Variants in CCT6B observed in about 807,000 individuals in gnomAD.
CCT6B encodes the protein chaperonin containing TCP1 subunit 6B, also known as probable T-complex protein 1 subunit zeta-2.
CCT6B carries 49 observed loss-of-function variants against 61.5 expected under a neutral mutation model. The observed-to-expected ratio is 0.80, with a 90% CI of 0.63 to 1.01. The LOEUF (loss-of-function observed/expected upper bound fraction) is 1.01, where lower values mean the gene tolerates loss of function less well. CCT6B is among the 50% of genes least tolerant of loss of function. The pLI is 0.00. For missense variants in CCT6B, 666 were observed against 634.7 expected, an observed-to-expected ratio of 1.05 and a Z score of -0.53; for synonymous variants, 228 against 214.5, an observed-to-expected ratio of 1.06 and a Z score of -0.55.
At chr17:34,934,178 C>T (rs192660902) in intron 10 of CCT6B, among the ~76,000 whole-genome samples, 82 of 148,042 alleles carry the variant, frequency 5.5e-4, no homozygotes, top group African/African-American at 1.9e-3. Context: ...CAAATGAAAC[C>T]TAATATAAGC....
Position 34,959,595 on chromosome 17 carries a change from C to G in CCT6B, c.193G>C (p.Asp65His). ...KLTKDGNVLL[D>H]EMQIQHPTAS... is the part of the protein sequence containing the mutation. Reference sequence around the variant, plus strand: ...CAGCAGCATCAGCTCACCATCTCATCGAGCAGCACATTGCCATCTTTGGTG... The same window carrying G: ...CAGCAGCATCAGCTCACCATCTCATGGAGCAGCACATTGCCATCTTTGGTG... Residue 65 changes from aspartate to histidine, a missense_variant, in exon 2 of 14, where the codon GAT becomes CAT. By Grantham distance (81) the Asp-to-His change is moderately conservative. Transcript: ENST00000314144. 1.2e-6 allele frequency: 2 copies of G among 1,611,504 alleles called. No individual in the cohort carries two copies. The highest frequency in any genetic ancestry group is 3.3e-5 in the Admixed American group (2 of 60,014).
Position 34,927,994 on chromosome 17 carries a change from A to G in CCT6B, c.*54T>C. ...GCTCAGGCTACACAATAGTAGTCAGATGTAAAGTGTACTAAATTTCATCTT... is the reference window on the plus strand; with the variant it reads ...GCTCAGGCTACACAATAGTAGTCAGGTGTAAAGTGTACTAAATTTCATCTT... On this transcript the variant is annotated 3_prime_UTR_variant, in exon 14 of 14. Coordinates refer to ENST00000314144, the MANE Select transcript of CCT6B (RefSeq NM_006584.4). 7.8e-7 allele frequency: 1 copy of G among 1,278,438 alleles called. No individual in the cohort carries two copies. Among genetic ancestry groups the G allele is most frequent in the Non-Finnish European group, 1.1e-6 (1 of 886,980 alleles). 79.2% of individuals were successfully genotyped at this position (1,278,438 alleles called of 1,614,324 possible).
intron 10 of CCT6B, among the ~76,000 whole-genome samples, chr17:34,936,776 CAAAT>C (rs1350106550): frequency 3.3e-5 from 5 of 152,004 alleles, no homozygotes; most frequent in African/African-American, 4.8e-5. Flanking sequence ...CAAGAAGACT[CAAAT>C]AGATAAGATG....
rs376851436 is a variant in CCT6B, at chr17:34,942,795, C to A, written c.725+1G>T. The A allele has an allele frequency of 8.8e-6, 14 of 1,582,396 alleles. No individual in the cohort carries two copies. The highest frequency in any genetic ancestry group is 1.8e-5 in the Admixed American group (1 of 55,868). ...AGTTATAAAGAGAAAGTAACACGCA[C>A]GTTTTTTCATATTCCAGTGAAACGT... On this transcript the variant is annotated splice_donor_variant, in intron 6 of 13. Coordinates refer to ENST00000314144, the MANE Select transcript of CCT6B (RefSeq NM_006584.4). LOFTEE classifies it high-confidence loss of function.
At chr17:34,935,975 A>T in intron 10 of CCT6B, among the ~76,000 whole-genome samples, 1 of 151,878 alleles carries the variant, frequency 6.6e-6, no homozygotes, top group Non-Finnish European at 1.5e-5. Context: ...AACAACAAGA[A>T]GTTTTACTCT....
chr17:34,930,667 A>G (rs1480060522), intron 12 of CCT6B, among the ~76,000 whole-genome samples: 3 of 152,090 alleles, frequency 2.0e-5, no homozygotes, highest in Non-Finnish European at 4.4e-5. Flanking sequence ...GAGTTTATTT[A>G]TTAAAGTTAT....
chr17:34,939,591 T>G, intron 9 of CCT6B, 26 bp downstream of exon 9: 1 of 1,398,568 alleles, frequency 7.2e-7, no homozygotes, highest in South Asian at 1.2e-5. Context: ...ATTCACTTTA[T>G]AACCACTGTT....
intron 8 of CCT6B, 110 bp from the exon 9 acceptor site, chr17:34,939,823 T>C: frequency 1.4e-6 from 1 of 705,700 alleles, no homozygotes; most frequent in East Asian, 2.7e-5. Flanking sequence ...TATTGTATTG[T>C]TTTGGGTTTT....
Position 34,933,070 on chromosome 17 carries a change from C to T in CCT6B, c.1214-570G>A, listed in dbSNP as rs185661011. 2.0e-3 allele frequency among the ~76,000 whole-genome samples: 303 copies of T among 152,300 alleles called. 4 individuals carry two copies. The highest frequency in any genetic ancestry group is 0.016 in the Admixed American group (241 of 15,302). The stretch of plus-strand genomic sequence containing the variant: ...ATGCTGGGATTACAGGTGTGAGCCA[C>T]CACACCCGGCCTTATGACTACTTTT... On this transcript the variant is annotated intron_variant, in intron 10 of 13. Transcript: ENST00000314144.
At chr17:34,930,226 C>A (rs2090020736) in intron 12 of CCT6B, among the ~76,000 whole-genome samples, 1 of 152,168 alleles carries the variant, frequency 6.6e-6, no homozygotes, top group African/African-American at 2.4e-5. Context: ...GAGCCAAGAT[C>A]GTGCCACTGC....
intron 1 of CCT6B, 114 bp downstream of exon 1, chr17:34,961,143 G>T: frequency 7.5e-7 from 1 of 1,324,682 alleles, no homozygotes; most frequent in South Asian, 1.5e-5. Flanking sequence ...ATGAGAATGA[G>T]GGAAATCAAG....
intron 10 of CCT6B, among the ~76,000 whole-genome samples, chr17:34,933,147 T>C (rs1019129088): frequency 2.0e-5 from 3 of 152,220 alleles, no homozygotes; most frequent in Admixed American, 1.3e-4. Flanking sequence ...ATATCTGACA[T>C]GAAAATTCTT....
chr17:34,946,569 AC>A (rs1268809246), intron 5 of CCT6B, among the ~76,000 whole-genome samples: 2 of 151,924 alleles, frequency 1.3e-5, no homozygotes, highest in Non-Finnish European at 2.9e-5. Flanking sequence ...CAAGAAAACA[AC>A]AGACATAAAT....
At chr17:34,961,218 C>A (rs775491246) in intron 1 of CCT6B, 39 bp downstream of exon 1, 1 of 1,571,136 alleles carries the variant, frequency 6.4e-7, no homozygotes, top group Non-Finnish European at 8.6e-7. Context: ...CACCAACGGG[C>A]CCCTAGCCGC....
chr17:34,955,002 G>A (rs1213046792), intron 3 of CCT6B, among the ~76,000 whole-genome samples: 1 of 152,192 alleles, frequency 6.6e-6, no homozygotes, highest in Admixed American at 6.5e-5. Flanking sequence ...ACAATAATGA[G>A]ACAGACAGGC....
intron 5 of CCT6B, chr17:34,943,906 T>G (rs1185294552): frequency 6.6e-6 from 1 of 151,942 alleles, no homozygotes; most frequent in Non-Finnish European, 1.5e-5. Context: ...TTTCTTCCTG[T>G]TTTCCAAATA....
Position 34,928,083 on chromosome 17 carries a change from C to T in CCT6B, c.1558G>A (p.Glu520Lys), listed in dbSNP as rs759485602. 2 of 1,612,292 alleles carry T rather than the reference C, an allele frequency of 1.2e-6. No homozygotes were observed. The highest frequency in any genetic ancestry group is 1.7e-6 in the Non-Finnish European group (2 of 1,179,174). Reference sequence around the variant, plus strand: ...GAAGACATCCCAGCTCGCATAATTTCATCAACCAGGAGAATGTTGGTGGCA... The same window carrying T: ...GAAGACATCCCAGCTCGCATAATTTTATCAACCAGGAGAATGTTGGTGGCA... ...VIATNILLVD[E>K]IMRAGMSSLK The change falls in exon 14 of 14, where the codon GAA becomes AAA. Residue 520 changes from glutamate to lysine, a missense_variant. Transcript: ENST00000314144.
chr17:34,932,237 A>T, intron 11 of CCT6B, 130 bp downstream of exon 11: 1 of 803,914 alleles, frequency 1.2e-6, no homozygotes, highest in Non-Finnish European at 1.8e-6. Flanking sequence ...AAAATATCTA[A>T]GAGAAAACTG....
chr17:34,954,485 C>A lies in CCT6B; in HGVS notation c.451G>T (p.Val151Leu), dbSNP rs1484438867. 1 of 1,613,668 alleles carries A rather than the reference C, an allele frequency of 6.2e-7. No homozygotes were observed. The highest frequency in any genetic ancestry group is 1.7e-5 in the Admixed American group (1 of 59,982). Residue 151 changes from valine to leucine, a missense_variant, in exon 4 of 14, where the codon GTA becomes TTA. By Grantham distance (32) the Val-to-Leu change is conservative. Transcript: ENST00000314144. ...TTAGTTTGTAATGATGTTCTAGCTA[C>A]ATCTAAGAGGATTTTTCTTTTCATC... ...KEMKRKILLD[V>L]ARTSLQTKVH...
Sources: allele counts gnomAD v4.1 joint callset (sites outside exome capture counted in the v4.1 genomes callset), GRCh38; gene constraint gnomAD v4.1.1; transcripts MANE v1.5; gene names NCBI Gene and HGNC (gene_info 2026-07-23, HGNC 2026-07-21).